The following ACBD7 variants were observed in gnomAD, a reference collection of about 807,000 sequenced individuals.
The protein encoded by ACBD7 is acyl-CoA binding domain containing 7.
ACBD7 carries 11 observed loss-of-function variants against 13.7 expected under a neutral mutation model. That is an observed-to-expected ratio of 0.80 (90% CI 0.50 to 1.33). The LOEUF is 1.33. Ranked by LOEUF, ACBD7 falls within the 40% of genes most tolerant of loss-of-function variation. The probability of loss-of-function intolerance (pLI) is 0.00; values close to 1 mark genes in which losing one functional copy is unlikely to be tolerated. For synonymous variants in ACBD7, 43 were observed against 37.7 expected (o/e 1.14, Z -0.51); for missense variants, 111 against 103.0 (o/e 1.08, Z -0.33).
intron 1 of ACBD7, chr10:15,088,253 A>G (rs1439230319): frequency 6.2e-6 from 1 of 162,498 alleles, no homozygotes; most frequent in Non-Finnish European, 1.3e-5. Context: ...TTATTACTTT[A>G]TATTTGTTGT....
At chr10:15,085,580 G>A (rs978963359) in intron 1 of ACBD7, among the ~76,000 whole-genome samples, 3 of 152,208 alleles carry the variant, frequency 2.0e-5, no homozygotes, top group African/African-American at 4.8e-5. Flanking sequence ...GGGGGAAGAG[G>A]TTAGTCTTTT....
At chr10:15,084,571 A>T (rs769670868) in intron 1 of ACBD7, among the ~76,000 whole-genome samples, 1 of 152,160 alleles carries the variant, frequency 6.6e-6, no homozygotes, top group Non-Finnish European at 1.5e-5. Flanking sequence ...GAGCACAGGG[A>T]CTCAAGATCC....
intron 1 of ACBD7, among the ~76,000 whole-genome samples, chr10:15,087,799 G>A (rs12243830): frequency 0.11 from 16,191 of 143,736 alleles, 906 homozygotes; most frequent in Middle Eastern, 0.22. Context: ...GTGACAGAAT[G>A]AGACTCCATC....
chr10:15,079,707 T>C (rs946215034), intron 1 of ACBD7, among the ~76,000 whole-genome samples: 42 of 151,746 alleles, frequency 2.8e-4, no homozygotes, highest in African/African-American at 9.9e-4. Flanking sequence ...GCCTCCCGAG[T>C]AGCTGGGATT....
intron 1 of ACBD7, among the ~76,000 whole-genome samples, chr10:15,087,881 C>A (rs6602808): frequency 1.3e-5 from 2 of 151,324 alleles, no homozygotes; most frequent in Non-Finnish European, 2.9e-5. Flanking sequence ...CCAGCTACTG[C>A]GGAGGCTGAG....
chr10:15,087,060 G>A (rs1422766194), intron 1 of ACBD7, among the ~76,000 whole-genome samples: 1 of 151,312 alleles, frequency 6.6e-6, no homozygotes, highest in African/African-American at 2.4e-5. Flanking sequence ...GGTGCCTGTG[G>A]TCCAAGCTAC....
Position 15,076,293 on chromosome 10 carries a change from A to G in ACBD7, c.*2237T>C, listed in dbSNP as rs895950219. 1.9e-5 allele frequency: 19 copies of G among 985,330 alleles called. No individual in the cohort carries two copies. The highest frequency in any genetic ancestry group is 2.3e-5 in the Non-Finnish European group (19 of 829,892). The allele number at this position is 985,330 out of a possible 1,614,324, so 61.0% of individuals were successfully genotyped here. ...AAGAGCCTGTGTACCATCCAGAAAG[A>G]CTGAGTAGGGGGCCAATATTATATT... On this transcript the variant is annotated 3_prime_UTR_variant, in exon 4 of 4. Transcript: ENST00000356189.
In ACBD7 at chr10:15,075,846, C is replaced by T. The variant is rs1468046327; in HGVS notation, c.*2684G>A. Reference sequence around the variant, plus strand: ...AAAATTAGCTGGGCATGGTTGCACGCACCTGTAGTCCCAGCTACTCTGGAG... The same window carrying T: ...AAAATTAGCTGGGCATGGTTGCACGTACCTGTAGTCCCAGCTACTCTGGAG... On this transcript the variant is annotated 3_prime_UTR_variant, in exon 4 of 4. Coordinates refer to ENST00000356189, the MANE Select transcript of ACBD7 (RefSeq NM_001039844.3). Among the ~76,000 whole-genome samples the T allele has an allele frequency of 6.6e-6, 1 of 151,900 alleles. No individual in the cohort carries two copies. The highest frequency in any genetic ancestry group is 1.9e-4 in the East Asian group (1 of 5,178).
At chr10:15,084,285 GGTCTGA>G (rs1186733320) in intron 1 of ACBD7, among the ~76,000 whole-genome samples, 1 of 152,198 alleles carries the variant, frequency 6.6e-6, no homozygotes, top group African/African-American at 2.4e-5. Flanking sequence ...GCGTGAGCCT[GGTCTGA>G]GTCTATTAAG....
At chr10:15,078,851 T>C in intron 2 of ACBD7, 72 bp downstream of exon 2, 5 of 1,267,292 alleles carry the variant, frequency 3.9e-6, no homozygotes, top group Non-Finnish European at 5.2e-6. Context: ...TTTTAAGTAA[T>C]TATATATTAT....
rs751384050 is a variant in ACBD7 at position 15,078,470 on chromosome 10, T to C, written c.*60A>G. The C allele has an allele frequency of 2.3e-5, 37 of 1,610,820 alleles. No individual in the cohort carries two copies. The highest frequency in any genetic ancestry group is 1.4e-5 in the Non-Finnish European group (16 of 1,178,976). The stretch of plus-strand genomic sequence containing the variant: ...TTAACAGTATGCCTCTCCCTCTAAA[T>C]GTTAGGTCATGATAGCATTTGGAAG... On this transcript the variant is annotated 3_prime_UTR_variant, in exon 4 of 4. Transcript: ENST00000356189.
intron 1 of ACBD7, among the ~76,000 whole-genome samples, chr10:15,084,790 C>A (rs1589261656): frequency 6.6e-6 from 1 of 152,214 alleles, no homozygotes; most frequent in Non-Finnish European, 1.5e-5. Context: ...TACAAAGGTA[C>A]ATTCCTGTGC....
chr10:15,080,944 C>G (rs1028903534), intron 1 of ACBD7, among the ~76,000 whole-genome samples: 2 of 152,128 alleles, frequency 1.3e-5, no homozygotes, highest in African/African-American at 4.8e-5. Flanking sequence ...GCTGGCCACC[C>G]CCTGCCCCCC....
intron 1 of ACBD7, among the ~76,000 whole-genome samples, chr10:15,085,709 T>C (rs1844800814): frequency 6.6e-6 from 1 of 152,238 alleles, no homozygotes; most frequent in Non-Finnish European, 1.5e-5. Context: ...AGGATAAACA[T>C]CAGCTCTCCT....
rs756731777 is a variant in ACBD7, at chr10:15,076,268, A to T, written c.*2262T>A. On this transcript the variant is annotated 3_prime_UTR_variant, in exon 4 of 4. Coordinates refer to ENST00000356189, the MANE Select transcript of ACBD7 (RefSeq NM_001039844.3). Reference sequence around the variant, plus strand: ...GTTAACATGAGACTGTCTTCTTTCAAAGAGCCTGTGTACCATCCAGAAAGA... The same window carrying T: ...GTTAACATGAGACTGTCTTCTTTCATAGAGCCTGTGTACCATCCAGAAAGA... 2.0e-6 allele frequency: 2 copies of T among 985,264 alleles called. No homozygotes were observed. Among genetic ancestry groups the T allele is most frequent in the Non-Finnish European group, 2.4e-6 (2 of 829,930 alleles). 61.0% of individuals were successfully genotyped at this position (985,264 alleles called of 1,614,324 possible).
chr10:15,085,438 A>G (rs1844798045), intron 1 of ACBD7, among the ~76,000 whole-genome samples: 1 of 152,212 alleles, frequency 6.6e-6, no homozygotes, highest in Non-Finnish European at 1.5e-5. Flanking sequence ...TGCAATGAAC[A>G]TGGTCATCCC....
chr10:15,078,377 T>C lies in ACBD7; in HGVS notation c.*153A>G, dbSNP rs933313697. 2 of 1,503,824 alleles carry C rather than the reference T, an allele frequency of 1.3e-6. No homozygotes were observed. The highest frequency in any genetic ancestry group is 1.8e-6 in the Non-Finnish European group (2 of 1,135,362). The allele number at this position is 1,503,824 out of a possible 1,614,324, so 93.2% of individuals were successfully genotyped here. A position where few individuals can be genotyped will look rare whatever the true frequency, so the allele number is the denominator to read the frequency against. The stretch of plus-strand genomic sequence containing the variant: ...TAAGCAAGTACAATTGAGTTAACTA[T>C]GTAGTTTCAGTATACTTCTAAGTAC... On this transcript the variant is annotated 3_prime_UTR_variant, in exon 4 of 4. Coordinates refer to ENST00000356189, the MANE Select transcript of ACBD7 (RefSeq NM_001039844.3).
In ACBD7 at chr10:15,076,361, A is replaced by C. The variant is rs1589258384; in HGVS notation, c.*2169T>G. 4 of 985,306 alleles carry C rather than the reference A, an allele frequency of 4.1e-6. No individual in the cohort carries two copies. The highest frequency in any genetic ancestry group is 4.8e-6 in the Non-Finnish European group (4 of 829,822). 61.0% of individuals were successfully genotyped at this position (985,306 alleles called of 1,614,324 possible). A position where few individuals can be genotyped will look rare whatever the true frequency, so the allele number is the denominator to read the frequency against. The stretch of plus-strand genomic sequence containing the variant: ...TCAGATAGAACTGAACATATGGGGT[A>C]CAGTAGTGGTACAGTTTATCACTAG... On this transcript the variant is annotated 3_prime_UTR_variant, in exon 4 of 4. Transcript: ENST00000356189.
intron 1 of ACBD7, among the ~76,000 whole-genome samples, chr10:15,085,193 T>G (rs939908207): frequency 1.3e-5 from 2 of 152,236 alleles, no homozygotes; most frequent in African/African-American, 4.8e-5. Flanking sequence ...CAAGACAAAC[T>G]GCCTTAAGGC....
Sources: gnomAD v4.1 joint callset for allele counts (sites outside exome capture counted in the v4.1 genomes callset) on GRCh38, gnomAD v4.1.1 for gene constraint, MANE v1.5 for transcripts, NCBI Gene and HGNC (gene_info 2026-07-23, HGNC 2026-07-21) for gene names.